Variants in IPMK observed in about 807,000 individuals in gnomAD.
IPMK encodes the protein inositol 1,3,4,6-tetrakisphosphate 5-kinase.
A neutral mutation model predicts 45.8 loss-of-function variants in IPMK; 17 were observed. That is an observed-to-expected ratio of 0.37 (90% CI 0.25 to 0.56). The LOEUF (loss-of-function observed/expected upper bound fraction) is 0.56, where lower values mean the gene tolerates loss of function less well. Ranked by LOEUF, IPMK falls within the 20% of genes least tolerant of loss-of-function variation. IPMK has a pLI of 0.79. For synonymous variants in IPMK, 180 were observed against 184.3 expected (o/e 0.98, Z 0.19); for missense variants, 399 against 498.0 (o/e 0.80, Z 1.89).
chr10:58,262,329 A>G (rs952716283), intron 1 of IPMK, among the ~76,000 whole-genome samples: 1 of 152,214 alleles, frequency 6.6e-6, no homozygotes, highest in Non-Finnish European at 1.5e-5. Flanking sequence ...TGAAAATTGT[A>G]AGATTAAGCA....
chr10:58,208,187 G>A (rs1048733641), intron 4 of IPMK, among the ~76,000 whole-genome samples: 13 of 152,186 alleles, frequency 8.5e-5, no homozygotes, highest in African/African-American at 1.2e-4. Flanking sequence ...TGATCCACCC[G>A]CCTCAGCCTC....
At chr10:58,213,697 GA>G (rs574630685) in intron 4 of IPMK, among the ~76,000 whole-genome samples, 5,419 of 131,584 alleles carry the variant, frequency 0.041, 171 homozygotes, top group African/African-American at 0.1. Context: ...AAAAAAAAAA[GA>G]AAAAAAAAAA....
intron 4 of IPMK, among the ~76,000 whole-genome samples, chr10:58,202,209 C>T (rs927904564): frequency 2.6e-5 from 4 of 152,164 alleles, no homozygotes; most frequent in African/African-American, 7.2e-5. Context: ...GTAGATGAAA[C>T]GGCCTTCTAT....
intron 2 of IPMK, among the ~76,000 whole-genome samples, chr10:58,229,534 G>A (rs1454001799): frequency 1.4e-5 from 2 of 138,372 alleles, no homozygotes; most frequent in Non-Finnish European, 3.0e-5. Flanking sequence ...CTGCACTCCA[G>A]CCTGGGCAAC....
rs1258211889 is a variant in IPMK at position 58,195,843 on chromosome 10, C to T, written c.*233G>A. ...AAGATGTTTAAGCCATGTACCACCA[C>T]ATTCCCTGCTTAACATTCCTAAGTT... On this transcript the variant is annotated 3_prime_UTR_variant, in exon 6 of 6. Transcript: ENST00000373935. 8.7e-6 allele frequency: 4 copies of T among 458,172 alleles called. No homozygotes were observed. The highest frequency in any genetic ancestry group is 6.0e-5 in the African/African-American group (3 of 50,096). The allele number at this position is 458,172 out of a possible 1,614,324, so 28.4% of individuals were successfully genotyped here. A position where few individuals can be genotyped will look rare whatever the true frequency, so the allele number is the denominator to read the frequency against.
intron 5 of IPMK, 75 bp from the exon 6 acceptor site, chr10:58,196,773 A>C: frequency 2.0e-6 from 2 of 1,005,974 alleles, no homozygotes; most frequent in Non-Finnish European, 2.9e-6. Flanking sequence ...CTCATCACAG[A>C]ATTCTCCAAT....
intron 4 of IPMK, among the ~76,000 whole-genome samples, chr10:58,202,039 T>A (rs187001635): frequency 5.3e-5 from 8 of 152,300 alleles, no homozygotes; most frequent in African/African-American, 1.9e-4. Context: ...GGCTGGTTCA[T>A]AGACCCTAGC....
At chr10:58,254,368 T>C (rs1838932216) in intron 1 of IPMK, among the ~76,000 whole-genome samples, 1 of 152,194 alleles carries the variant, frequency 6.6e-6, no homozygotes, top group Non-Finnish European at 1.5e-5. Context: ...TCTTCATTTA[T>C]AGGATCTCTC....
At chr10:58,238,641 G>T (rs1195794088) in intron 1 of IPMK, among the ~76,000 whole-genome samples, 1 of 152,142 alleles carries the variant, frequency 6.6e-6, no homozygotes, top group African/African-American at 2.4e-5. Context: ...GCAAGTGTTA[G>T]GAATTTTTTT....
intron 3 of IPMK, among the ~76,000 whole-genome samples, chr10:58,226,633 A>T (rs912717573): frequency 6.6e-6 from 1 of 152,188 alleles, no homozygotes; most frequent in Non-Finnish European, 1.5e-5. Context: ...TTTTCAGAAG[A>T]CTGTAATTTA....
Position 58,194,501 on chromosome 10 carries a change from G to A in IPMK, c.*1575C>T, listed in dbSNP as rs1163739548. On this transcript the variant is annotated 3_prime_UTR_variant, in exon 6 of 6. Coordinates refer to ENST00000373935, the MANE Select transcript of IPMK (RefSeq NM_152230.5). The stretch of plus-strand genomic sequence containing the variant: ...TCTTTTAAATTATTCAGGTTTAATA[G>A]ATTTACTAAGGATAGAGTTCATAGA... The A allele has an allele frequency of 2.0e-5, 3 of 151,814 alleles. No homozygotes were observed. Among genetic ancestry groups the A allele is most frequent in the African/African-American group, 7.2e-5 (3 of 41,400 alleles). 9.4% of individuals were successfully genotyped at this position (151,814 alleles called of 1,614,324 possible). A position where few individuals can be genotyped will look rare whatever the true frequency, so the allele number is the denominator to read the frequency against.
At chr10:58,197,712 T>C (rs1300681195) in intron 5 of IPMK, among the ~76,000 whole-genome samples, 1 of 149,672 alleles carries the variant, frequency 6.7e-6, no homozygotes, top group East Asian at 2.0e-4. Context: ...TTGCTCTATT[T>C]GCTATCTTGA....
chr10:58,221,353 C>T lies in IPMK; in HGVS notation c.374-5036G>A, dbSNP rs79228138. On this transcript the variant is annotated intron_variant, in intron 3 of 5. Transcript: ENST00000373935. ...TTCCTTCCCCCATCATCCATAAGCTCAGCTTGCCTATTTTTTTTTTTTTAA... is the reference window on the plus strand; with the variant it reads ...TTCCTTCCCCCATCATCCATAAGCTTAGCTTGCCTATTTTTTTTTTTTTAA... Among the ~76,000 whole-genome samples, 1,268 of 138,850 alleles carry T rather than the reference C, an allele frequency of 9.1e-3. 16 individuals carry two copies. The highest frequency in any genetic ancestry group is 0.037 in the African/African-American group (1,193 of 32,506). The allele number at this position is 138,850 out of a possible 152,430, so 91.1% of individuals were successfully genotyped here. A position where few individuals can be genotyped will look rare whatever the true frequency, so the allele number is the denominator to read the frequency against.
intron 2 of IPMK, among the ~76,000 whole-genome samples, chr10:58,234,810 A>G (rs1838583379): frequency 6.6e-6 from 1 of 152,244 alleles, no homozygotes. Context: ...GCCAAAATAG[A>G]CAAATGGGAT....
intron 4 of IPMK, among the ~76,000 whole-genome samples, chr10:58,209,749 C>A (rs1010389197): frequency 6.6e-6 from 1 of 152,196 alleles, no homozygotes; most frequent in Non-Finnish European, 1.5e-5. Context: ...GAAGTTGTTA[C>A]ATGGACAGAC....
intron 4 of IPMK, among the ~76,000 whole-genome samples, chr10:58,211,992 T>C (rs546649559): frequency 6.6e-6 from 1 of 151,992 alleles, no homozygotes; most frequent in East Asian, 1.9e-4. Flanking sequence ...TTGTGGGGTT[T>C]TTTTCCCCAA....
At chr10:58,239,972 C>T (rs939078140) in intron 1 of IPMK, among the ~76,000 whole-genome samples, 9 of 152,062 alleles carry the variant, frequency 5.9e-5, no homozygotes, top group South Asian at 4.1e-4. Flanking sequence ...TCACTTCCCA[C>T]GGTTCTTTAA....
At chr10:58,200,307 T>C (rs879487511) in intron 4 of IPMK, among the ~76,000 whole-genome samples, 1 of 151,818 alleles carries the variant, frequency 6.6e-6, no homozygotes, top group Admixed American at 6.6e-5. Flanking sequence ...TTAGTAGAGG[T>C]GAGGTTTCAC....
chr10:58,219,295 A>C (rs7896190), intron 3 of IPMK, among the ~76,000 whole-genome samples: 1,912 of 152,336 alleles, frequency 0.013, 30 homozygotes, highest in African/African-American at 0.043. Context: ...AGAGATGCAG[A>C]ATTCTTATGA....
Sources: allele counts gnomAD v4.1 joint callset (sites outside exome capture counted in the v4.1 genomes callset), GRCh38; gene constraint gnomAD v4.1.1; transcripts MANE v1.5; gene names NCBI Gene and HGNC (gene_info 2026-07-23, HGNC 2026-07-21).